Variants in ADRA1B observed in about 807,000 individuals in gnomAD.
ADRA1B encodes the protein adrenoceptor alpha 1B, also known as alpha-1B adrenergic receptor.
In ADRA1B, 17 loss-of-function variants were observed where a neutral mutation model predicts 17.9. The observed-to-expected ratio is 0.95, with a 90% CI of 0.65 to 1.42. The LOEUF (loss-of-function observed/expected upper bound fraction) is 1.42, where lower values mean the gene tolerates loss of function less well. Among genes scored for constraint, ADRA1B ranks in the 40% most tolerant of loss-of-function variants. ADRA1B has a pLI of 0.00. For missense variants in ADRA1B, 681 were observed against 722.1 expected (o/e 0.94, Z 0.65); for synonymous variants, 366 against 327.6 (o/e 1.12, Z -1.27).
At position 159,887,501 on chromosome 5, in the gene ADRA1B, G is replaced by A. The variant is rs536322745; in HGVS notation, c.-256+22295G>A. Among the ~76,000 whole-genome samples the A allele has an allele frequency of 2.6e-5, 4 of 152,286 alleles. 1 individual carries two copies. In the South Asian group the frequency reaches 6.2e-4, roughly 24 times the overall value. ...ATCTCTATCTACCATTAAGTGTGGT[G>A]TGGCTATCCAGTTGACCAAAATATA... On this transcript the variant is annotated intron_variant, in intron 1 of 2. Transcript: ENST00000641205.
chr5:159,957,958 GAA>G (rs1304905521), intron 1 of ADRA1B, among the ~76,000 whole-genome samples: 6 of 120,348 alleles, frequency 5.0e-5, no homozygotes, highest in African/African-American at 2.0e-4. Context: ...AAAAAGAAAA[GAA>G]AAAAGAAAAG....
chr5:159,904,193 A>T (rs1470951477), intron 1 of ADRA1B, among the ~76,000 whole-genome samples: 1 of 152,242 alleles, frequency 6.6e-6, no homozygotes, highest in Admixed American at 6.5e-5. Context: ...TATTTTTAAG[A>T]CTATGGGTCT....
rs139851083 is a variant in ADRA1B at position 159,934,896 on chromosome 5, A to G, written c.949+17042A>G. ...TGCTCAGCTTGCTAAGCCTCAGTTA[A>G]CTCATCTGTAAAACGACACCAAAAT... On this transcript the variant is annotated intron_variant, in intron 1 of 1. Coordinates refer to ENST00000306675, the MANE Select transcript of ADRA1B (RefSeq NM_000679.4). Among the ~76,000 whole-genome samples, 279 of 152,162 alleles carry G rather than the reference A, an allele frequency of 1.8e-3. 2 individuals carry two copies. Among genetic ancestry groups the G allele is most frequent in the African/African-American group, 6.4e-3 (264 of 41,518 alleles).
intron 1 of ADRA1B, among the ~76,000 whole-genome samples, chr5:159,872,400 G>C (rs1753755517): frequency 6.6e-6 from 1 of 152,182 alleles, no homozygotes; most frequent in African/African-American, 2.4e-5. Flanking sequence ...GGGAGCTACA[G>C]CTTGCAGAGA....
chr5:159,947,659 G>A (rs1029936195), intron 1 of ADRA1B: 2 of 964,308 alleles, frequency 2.1e-6, no homozygotes, highest in Non-Finnish European at 2.5e-6. Flanking sequence ...AATGAAATGG[G>A]GGACCTGGCT....
intron 1 of ADRA1B, among the ~76,000 whole-genome samples, chr5:159,944,781 G>A (rs1755223654): frequency 6.6e-6 from 1 of 152,130 alleles, no homozygotes; most frequent in Non-Finnish European, 1.5e-5. Context: ...CAGACAGTGA[G>A]AGGCTTGTAA....
At chr5:159,973,942 C>T (rs745553846), downstream of ADRA1B, among the ~76,000 whole-genome samples, 355 of 152,324 alleles carry the variant, frequency 2.3e-3, no homozygotes, top group Non-Finnish European at 4.3e-3. Flanking sequence ...GAACGCTCTT[C>T]CCCCATCCCA....
chr5:159,957,083 G>A (rs1755569458), intron 1 of ADRA1B, among the ~76,000 whole-genome samples: 1 of 152,090 alleles, frequency 6.6e-6, no homozygotes, highest in African/African-American at 2.4e-5. Flanking sequence ...TGTTGGCCAG[G>A]CTGGACTCGA....
chr5:159,900,768 G>T (rs1168307783), intron 1 of ADRA1B, among the ~76,000 whole-genome samples: 1 of 152,222 alleles, frequency 6.6e-6, no homozygotes, highest in Non-Finnish European at 1.5e-5. Flanking sequence ...GCCATGCAGA[G>T]CAGTGCAAGA....
intron 1 of ADRA1B, among the ~76,000 whole-genome samples, chr5:159,962,669 CTTTTT>C (rs113639158): frequency 4.0e-5 from 5 of 124,854 alleles, no homozygotes; most frequent in Admixed American, 8.2e-5. Context: ...TGTTTTTCAG[CTTTTT>C]TTTTTTTTTT....
chr5:159,945,813 T>A (rs534127139), intron 1 of ADRA1B, among the ~76,000 whole-genome samples: 1 of 151,588 alleles, frequency 6.6e-6, no homozygotes, highest in African/African-American at 2.4e-5. Context: ...AGTGGCGCGA[T>A]CTCGGCTCAC....
At chr5:159,877,301 G>C (rs2113081058) in intron 1 of ADRA1B, among the ~76,000 whole-genome samples, 1 of 152,172 alleles carries the variant, frequency 6.6e-6, no homozygotes, top group South Asian at 2.1e-4. Flanking sequence ...AGAAGACCCG[G>C]GGACAATAGG....
intron 1 of ADRA1B, among the ~76,000 whole-genome samples, chr5:159,887,083 G>T (rs1287828292): frequency 6.6e-6 from 1 of 152,108 alleles, no homozygotes; most frequent in Non-Finnish European, 1.5e-5. Flanking sequence ...CTCAAGACAG[G>T]TGTCAGACTC....
In ADRA1B at chr5:159,971,914, G is replaced by A; in HGVS notation, c.985G>A (p.Val329Met). ...CTCCACCCTGAAGCCCCCCGACGCC[G>A]TGTTCAAGGTGGTGTTCTGGCTGGG... is the stretch of plus-strand genomic sequence containing the variant. ...LFSTLKPPDA[V>M]FKVVFWLGYF... The change falls in exon 2 of 2, where the codon GTG becomes ATG. Residue 329 changes from valine to methionine, a missense_variant. This residue lies in a region of ADRA1B where 424 missense variants were observed against 480.2 expected (regional missense o/e 0.88). Transcript: ENST00000306675. 2 of 1,367,906 alleles carry A rather than the reference G, an allele frequency of 1.5e-6. No individual in the cohort carries two copies. Among genetic ancestry groups the A allele is most frequent in the Non-Finnish European group, 9.5e-7 (1 of 1,054,624 alleles). The allele number at this position is 1,367,906 out of a possible 1,614,324, so 84.7% of individuals were successfully genotyped here. A position where few individuals can be genotyped will look rare whatever the true frequency, so the allele number is the denominator to read the frequency against.
intron 1 of ADRA1B, among the ~76,000 whole-genome samples, chr5:159,883,568 A>G (rs1753886209): frequency 6.6e-6 from 1 of 152,234 alleles, no homozygotes; most frequent in Non-Finnish European, 1.5e-5. Flanking sequence ...TAGAAGGCCT[A>G]CAGGGACTTC....
At chr5:159,875,695 T>C (rs1053628116) in intron 1 of ADRA1B, among the ~76,000 whole-genome samples, 3 of 152,176 alleles carry the variant, frequency 2.0e-5, no homozygotes, top group Non-Finnish European at 4.4e-5. Flanking sequence ...ACACCCTCTC[T>C]AATTCGCCTT....
At chr5:159,940,949 A>ACG (rs1213522383) in intron 1 of ADRA1B, among the ~76,000 whole-genome samples, 1 of 152,238 alleles carries the variant, frequency 6.6e-6, no homozygotes, top group Non-Finnish European at 1.5e-5. Context: ...TCAATGTGGT[A>ACG]CAATTCTGAT....
At chr5:159,930,060 G>A (rs564416073) in intron 1 of ADRA1B, among the ~76,000 whole-genome samples, 2 of 152,178 alleles carry the variant, frequency 1.3e-5, no homozygotes, top group Non-Finnish European at 2.9e-5. Flanking sequence ...AATGCATAGA[G>A]TTACTGCTGG....
downstream of ADRA1B, among the ~76,000 whole-genome samples, chr5:159,975,751 C>A (rs1482324036): frequency 6.6e-6 from 1 of 152,164 alleles, no homozygotes; most frequent in Non-Finnish European, 1.5e-5. Flanking sequence ...CTGGCCTTTC[C>A]AAGTCACTTC....
Sources: allele counts gnomAD v4.1 joint callset (sites outside exome capture counted in the v4.1 genomes callset), GRCh38; gene constraint gnomAD v4.1.1; regional missense constraint gnomAD v4.1.1; transcripts MANE v1.5; gene names NCBI Gene and HGNC (gene_info 2026-07-23, HGNC 2026-07-21).